PDS5B: variants seen among roughly 807,000 people sequenced by gnomAD.
The protein encoded by PDS5B is PDS5 cohesin associated factor B, also known as sister chromatid cohesion protein PDS5 homolog B.
PDS5B carries 51 observed loss-of-function variants against 184.1 expected under a neutral mutation model. The observed-to-expected ratio is 0.28, with a 90% CI of 0.22 to 0.35. The LOEUF (loss-of-function observed/expected upper bound fraction) is 0.35, where lower values mean the gene tolerates loss of function less well. Ranked by LOEUF, PDS5B falls within the 10% of genes least tolerant of loss-of-function variation. PDS5B has a pLI of 1.00. For missense variants in PDS5B, 1,180 were observed against 1,723.3 expected, an observed-to-expected ratio of 0.68 and a Z score of 5.58; for synonymous variants, 566 against 569.2, an observed-to-expected ratio of 0.99 and a Z score of 0.08.
At chr13:32,762,232 C>A (rs1157814623) in intron 30 of PDS5B, among the ~76,000 whole-genome samples, 1 of 152,172 alleles carries the variant, frequency 6.6e-6, no homozygotes, top group Non-Finnish European at 1.5e-5. Context: ...GATTTGTTAG[C>A]ACAGAGCATT....
intron 7 of PDS5B, among the ~76,000 whole-genome samples, chr13:32,671,177 G>A (rs1438892316): frequency 6.6e-6 from 1 of 152,104 alleles, no homozygotes; most frequent in African/African-American, 2.4e-5. Context: ...CCTCCTCTGT[G>A]TCAGGCACTG....
At chr13:32,719,289 C>T (rs745464402) in intron 19 of PDS5B, among the ~76,000 whole-genome samples, 5 of 152,032 alleles carry the variant, frequency 3.3e-5, no homozygotes, top group East Asian at 1.9e-4. Context: ...CTCAATCAGT[C>T]CCCCCACCTC....
At chr13:32,631,593 CTG>C (rs1404373528) in intron 1 of PDS5B, among the ~76,000 whole-genome samples, 6 of 152,070 alleles carry the variant, frequency 3.9e-5, no homozygotes, top group African/African-American at 9.7e-5. Context: ...TGATCTGAGT[CTG>C]TATTGTGGCA....
intron 22 of PDS5B, 42 bp from the exon 23 acceptor site, chr13:32,742,549 A>G: frequency 6.5e-7 from 1 of 1,528,536 alleles, no homozygotes; most frequent in Non-Finnish European, 8.9e-7. Flanking sequence ...AATTCTTTCA[A>G]AATGTACCAG....
chr13:32,754,312 A>G (rs1256805274), intron 25 of PDS5B, among the ~76,000 whole-genome samples: 1 of 152,150 alleles, frequency 6.6e-6, no homozygotes, highest in African/African-American at 2.4e-5. Flanking sequence ...CTTGTGGGAT[A>G]AAGTTGAAAC....
At chr13:32,611,503 CTTTTTTTT>C (rs35825698) in intron 1 of PDS5B, among the ~76,000 whole-genome samples, 4 of 110,918 alleles carry the variant, frequency 3.6e-5, no homozygotes, top group African/African-American at 1.0e-4. Flanking sequence ...TTGGTTAAAA[CTTTTTTTT>C]TTTTTTTTTT....
At chr13:32,774,961 A>G in intron 34 of PDS5B, 56 bp from the exon 35 acceptor site, 4 of 1,408,290 alleles carry the variant, frequency 2.8e-6, no homozygotes, top group Non-Finnish European at 4.0e-6. Flanking sequence ...TGATTACTGC[A>G]TATCTTATGC....
intron 18 of PDS5B, among the ~76,000 whole-genome samples, chr13:32,707,326 C>T (rs1209499520): frequency 6.6e-6 from 1 of 151,798 alleles, no homozygotes; most frequent in Non-Finnish European, 1.5e-5. Flanking sequence ...GTAGAATGAG[C>T]CAAATTCTTT....
intron 6 of PDS5B, among the ~76,000 whole-genome samples, chr13:32,664,588 G>T (rs898596085): frequency 6.6e-6 from 1 of 152,178 alleles, no homozygotes; most frequent in African/African-American, 2.4e-5. Flanking sequence ...CCGAGGCCAG[G>T]CTCACTAGCT....
intron 1 of PDS5B, among the ~76,000 whole-genome samples, chr13:32,614,412 C>T (rs1399746201): frequency 1.3e-5 from 2 of 151,792 alleles, no homozygotes; most frequent in Non-Finnish European, 2.9e-5. Flanking sequence ...ATTCTCATGC[C>T]TTGGCCTCTA....
At chr13:32,722,098 C>T (rs1346802531) in intron 19 of PDS5B, among the ~76,000 whole-genome samples, 1 of 152,236 alleles carries the variant, frequency 6.6e-6, no homozygotes, top group Non-Finnish European at 1.5e-5. Flanking sequence ...ACTCCGTCTG[C>T]AATCCCGGCA....
chr13:32,590,550 A>T (rs1350143551), intron 1 of PDS5B, among the ~76,000 whole-genome samples: 1 of 152,154 alleles, frequency 6.6e-6, no homozygotes, highest in Non-Finnish European at 1.5e-5. Context: ...ATTAGCCAAG[A>T]TTAGATCCCA....
chr13:32,752,415 G>A (rs1954017884), intron 24 of PDS5B, among the ~76,000 whole-genome samples: 1 of 152,188 alleles, frequency 6.6e-6, no homozygotes, highest in Admixed American at 6.5e-5. Flanking sequence ...GGGGGAGCTA[G>A]TGTCGTTCAG....
At chr13:32,748,191 A>G (rs769984352) in intron 24 of PDS5B, among the ~76,000 whole-genome samples, 1 of 152,172 alleles carries the variant, frequency 6.6e-6, no homozygotes, top group Non-Finnish European at 1.5e-5. Context: ...TTTAAATCAT[A>G]TGCTCATCTC....
At position 32,763,757 on chromosome 13, in the gene PDS5B, A is replaced by G. The variant is rs548635487; in HGVS notation, c.3519-732A>G. On this transcript the variant is annotated intron_variant, in intron 30 of 34. Coordinates refer to ENST00000315596, the MANE Select transcript of PDS5B (RefSeq NM_015032.4). ...GTATGTGTTTTGGGGAAGTGGAAAT[A>G]AGAAGAGTGTTCAAATAACTGTTTT... is the stretch of plus-strand genomic sequence containing the variant. 2.0e-3 allele frequency among the ~76,000 whole-genome samples: 303 copies of G among 152,286 alleles called. 1 individual carries two copies. Among genetic ancestry groups the G allele is most frequent in the Non-Finnish European group, 4.1e-3 (278 of 68,006 alleles).
At chr13:32,762,168 A>T (rs1954428109) in intron 30 of PDS5B, among the ~76,000 whole-genome samples, 1 of 152,208 alleles carries the variant, frequency 6.6e-6, no homozygotes, top group Non-Finnish European at 1.5e-5. Flanking sequence ...TGAGAAAAAC[A>T]AAAGGAAAAT....
intron 30 of PDS5B, 126 bp from the exon 31 acceptor site, chr13:32,764,363 A>G (rs886216823): frequency 3.6e-5 from 16 of 441,492 alleles, no homozygotes; most frequent in East Asian, 3.6e-5. Flanking sequence ...ATATGGTAGA[A>G]TGAAACTGAT....
Position 32,770,538 on chromosome 13 carries a change from G to C in PDS5B, c.4042G>C (p.Val1348Leu). Residue 1348 changes from valine (V) to leucine (L), a missense_variant, in exon 32 of 35, where the codon GTG (valine) becomes CTG (leucine). Physicochemically the swap from Val to Leu is conservative, Grantham distance 32. Transcript: ENST00000315596. ...EQKSKSKQHR[V>L]SRRAQQRAES... ...GAAGTCCAAAAGCAAACAGCACCGAGTGTCAAGGAGAGCACAGCAGAGGTA... is the reference window on the plus strand; with the variant it reads ...GAAGTCCAAAAGCAAACAGCACCGACTGTCAAGGAGAGCACAGCAGAGGTA... 1 of 1,607,990 alleles carries C rather than the reference G, an allele frequency of 6.2e-7. No individual in the cohort carries two copies.
At chr13:32,612,218 C>T (rs1180900184) in intron 1 of PDS5B, among the ~76,000 whole-genome samples, 2 of 151,988 alleles carry the variant, frequency 1.3e-5, no homozygotes, top group Non-Finnish European at 2.9e-5. Flanking sequence ...GCATTTATCA[C>T]CCAAGCCCAG....
Sources: allele counts gnomAD v4.1 joint callset (sites outside exome capture counted in the v4.1 genomes callset), GRCh38; gene constraint gnomAD v4.1.1; transcripts MANE v1.5; gene names NCBI Gene and HGNC (gene_info 2026-07-23, HGNC 2026-07-21).